CDC42BPA: variants seen among roughly 807,000 people sequenced by gnomAD.
The protein encoded by CDC42BPA is serine/threonine-protein kinase MRCK alpha.
A neutral mutation model predicts 223.5 loss-of-function variants in CDC42BPA; 80 were observed. The ratio of observed to expected loss-of-function variants is 0.36; its 90% CI spans 0.30 to 0.43. The LOEUF (loss-of-function observed/expected upper bound fraction) is 0.43. Among genes scored for constraint, CDC42BPA ranks in the 20% least tolerant of loss-of-function variants. The probability of loss-of-function intolerance (pLI) is 1.00; values close to 1 mark genes in which losing one functional copy is unlikely to be tolerated. For synonymous variants in CDC42BPA, 694 were observed against 718.6 expected, an observed-to-expected ratio of 0.97 and a Z score of 0.55; for missense variants, 1,743 against 2,099.9, an observed-to-expected ratio of 0.83 and a Z score of 3.32.
chr1:227,124,163 A>G (rs1689134498), intron 11 of CDC42BPA, among the ~76,000 whole-genome samples: 1 of 152,188 alleles, frequency 6.6e-6, no homozygotes, highest in Non-Finnish European at 1.5e-5. Flanking sequence ...ACTATAACCT[A>G]CCCCTAACCT....
intron 10 of CDC42BPA, 149 bp downstream of exon 10, chr1:227,139,427 T>C (rs1659265474): frequency 2.1e-6 from 1 of 483,388 alleles, no homozygotes; most frequent in Non-Finnish European, 3.6e-6. Context: ...ATAAATGGTA[T>C]TATGCTGTGT....
intron 34 of CDC42BPA, among the ~76,000 whole-genome samples, chr1:227,012,629 C>G (rs980602149): frequency 1.4e-4 from 22 of 152,114 alleles, no homozygotes; most frequent in African/African-American, 5.3e-4. Flanking sequence ...ATAAAAATGT[C>G]TGGGACACAT....
chr1:227,019,505 A>C (rs1224828433), intron 32 of CDC42BPA, among the ~76,000 whole-genome samples: 5 of 152,132 alleles, frequency 3.3e-5, no homozygotes, highest in East Asian at 1.9e-4. Context: ...TGGCATCTAG[A>C]ATGGTGAATC....
chr1:227,060,222 G>A (rs1175293998), intron 21 of CDC42BPA, among the ~76,000 whole-genome samples: 1 of 151,640 alleles, frequency 6.6e-6, no homozygotes, highest in African/African-American at 2.4e-5. Context: ...TAATAGAGAC[G>A]GGGTTTCACC....
At chr1:227,147,172 T>A (rs1660853477) in intron 7 of CDC42BPA, among the ~76,000 whole-genome samples, 187 bp downstream of exon 7, 2 of 152,166 alleles carry the variant, frequency 1.3e-5, no homozygotes. Context: ...TCTAATAAAA[T>A]ACAAGAAAAT....
chr1:227,269,828 A>G (rs1197962585), intron 1 of CDC42BPA, among the ~76,000 whole-genome samples: 3 of 152,112 alleles, frequency 2.0e-5, no homozygotes, highest in Admixed American at 1.3e-4. Flanking sequence ...GACTGATAAT[A>G]CTCTGTTCCT....
At chr1:227,142,034 A>C (rs1467162773) in intron 9 of CDC42BPA, among the ~76,000 whole-genome samples, 2 of 152,218 alleles carry the variant, frequency 1.3e-5, no homozygotes, top group Non-Finnish European at 2.9e-5. Flanking sequence ...ATACTAGGGT[A>C]ATACAGTACA....
Position 227,112,813 on chromosome 1 carries a change from T to C in CDC42BPA, c.1748A>G (p.Asn583Ser), listed in dbSNP as rs774796796. 18 of 1,614,048 alleles carry C rather than the reference T, an allele frequency of 1.1e-5. No homozygotes were observed. Among genetic ancestry groups the C allele is most frequent in the Middle Eastern group, 3.3e-4 (2 of 6,084 alleles). The part of the protein sequence containing the change: ...KLAMQEFMEI[N>S]ERLTELHTQK... ...GGTGTGCAATTCTGTTAGCCGCTCA[T>C]TGATCTCCATGAATTCCTGCATGGC... The change falls in exon 13 of 37, where the codon AAT (asparagine) becomes AGT (serine). Residue 583 changes from asparagine (N) to serine (S), a missense_variant. Asn to Ser is a conservative substitution (Grantham distance 46). Around this residue, in one of 6 missense-constraint regions of CDC42BPA, gnomAD observed 464 missense variants for 488.0 expected, o/e 0.95. Coordinates refer to ENST00000366766, the MANE Select transcript of CDC42BPA (RefSeq NM_001394014.1).
At chr1:227,296,704 C>A (rs1289655967) in intron 1 of CDC42BPA, among the ~76,000 whole-genome samples, 3 of 109,534 alleles carry the variant, frequency 2.7e-5, no homozygotes, top group African/African-American at 7.8e-5. Context: ...AGACTCTCCC[C>A]ACATCAAAAA....
At chr1:227,275,239 T>TAAAAAAAAAA (rs1558930096) in intron 1 of CDC42BPA, among the ~76,000 whole-genome samples, 2 of 75,566 alleles carry the variant, frequency 2.6e-5, no homozygotes, top group African/African-American at 5.4e-5. Flanking sequence ...AAATAAAAAT[T>TAAAAAAAAAA]AGAAAGCAGA....
At chr1:227,196,338 C>CTTTTTTTTTTTTTTCTTTTTT (rs1670688852) in intron 4 of CDC42BPA, among the ~76,000 whole-genome samples, 2 of 92,352 alleles carry the variant, frequency 2.2e-5, no homozygotes, top group African/African-American at 9.4e-5. Flanking sequence ...TTAAACAATA[C>CTTTTTTTTTTTTTTCTTTTTT]TTTTTTTTTT....
At chr1:227,009,553 C>T (rs979841586) in intron 34 of CDC42BPA, among the ~76,000 whole-genome samples, 3 of 152,064 alleles carry the variant, frequency 2.0e-5, no homozygotes, top group Non-Finnish European at 4.4e-5. Flanking sequence ...GGACCACAGG[C>T]ATGTGCCACC....
At chr1:227,196,547 G>C (rs1048544316) in intron 4 of CDC42BPA, among the ~76,000 whole-genome samples, 1 of 151,876 alleles carries the variant, frequency 6.6e-6, no homozygotes, top group Non-Finnish European at 1.5e-5. Flanking sequence ...CACCGTGTTA[G>C]CCAGGATGGT....
intron 21 of CDC42BPA, among the ~76,000 whole-genome samples, chr1:227,067,830 G>A (rs1420279608): frequency 2.0e-5 from 3 of 151,984 alleles, no homozygotes; most frequent in South Asian, 4.2e-4. Context: ...AAAATCTCCC[G>A]ATTTAAAAAA....
intron 11 of CDC42BPA, among the ~76,000 whole-genome samples, chr1:227,126,715 A>G (rs930957205): frequency 1.3e-5 from 2 of 152,210 alleles, no homozygotes; most frequent in African/African-American, 4.8e-5. Flanking sequence ...GTAATTCACC[A>G]TATTAACAGG....
chr1:227,068,633 G>C, intron 21 of CDC42BPA: 2 of 1,115,410 alleles, frequency 1.8e-6, no homozygotes, highest in Non-Finnish European at 2.3e-6. Flanking sequence ...GGATGCATTG[G>C]TTTGAAAATC....
intron 15 of CDC42BPA, among the ~76,000 whole-genome samples, chr1:227,099,311 A>G (rs76916844): frequency 0.021 from 3,144 of 152,064 alleles, 122 homozygotes; most frequent in African/African-American, 0.072. Flanking sequence ...CGAAGAAGGC[A>G]CTGTTGTCAT....
rs12562781 is a variant in CDC42BPA, at chr1:227,098,167, A to G, written c.2249+2825T>C. On this transcript the variant is annotated intron_variant, in intron 15 of 36. Coordinates refer to ENST00000366766, the MANE Select transcript of CDC42BPA (RefSeq NM_001394014.1). Reference sequence around the variant, plus strand: ...CACAAGGACACTAAATTTGCCTGTTATTATGCTGTCATTCTCACTGCCCTT... The same window carrying G: ...CACAAGGACACTAAATTTGCCTGTTGTTATGCTGTCATTCTCACTGCCCTT... 2.7e-3 allele frequency among the ~76,000 whole-genome samples: 414 copies of G among 152,208 alleles called. 11 individuals are homozygous for G. In the East Asian group the frequency reaches 0.052, roughly 19 times the overall value.
intron 1 of CDC42BPA, among the ~76,000 whole-genome samples, chr1:227,261,124 C>CTTTTTTTTTTTTTTTTTTTT (rs386369874): frequency 4.3e-4 from 52 of 121,012 alleles, no homozygotes; most frequent in East Asian, 7.7e-4. Context: ...TTGAGTTTTT[C>CTTTTTTTTTTTTTTTTTTTT]TTTTTTTTTG....
Sources: allele counts gnomAD v4.1 joint callset (sites outside exome capture counted in the v4.1 genomes callset), GRCh38; gene constraint gnomAD v4.1.1; regional missense constraint gnomAD v4.1.1; transcripts MANE v1.5; gene names NCBI Gene and HGNC (gene_info 2026-07-23, HGNC 2026-07-21).